The following TBC1D31 variants were observed in gnomAD, a reference collection of about 807,000 sequenced individuals.
TBC1D31 encodes the protein WD repeat domain 67.
In TBC1D31, 99 loss-of-function variants were observed where a neutral mutation model predicts 132.9. The observed-to-expected ratio is 0.74, with a 90% CI of 0.63 to 0.88. The LOEUF (loss-of-function observed/expected upper bound fraction) is 0.88. TBC1D31 is among the 40% of genes least tolerant of loss of function. The pLI is 0.00. For synonymous variants in TBC1D31, 385 were observed against 419.4 expected (o/e 0.92, Z 1.00); for missense variants, 1,134 against 1,256.6 (o/e 0.90, Z 1.48).
At chr8:123,132,403 CTT>C (rs34901750) in intron 16 of TBC1D31, among the ~76,000 whole-genome samples, 10 of 55,440 alleles carry the variant, frequency 1.8e-4, no homozygotes, top group African/African-American at 5.0e-4. Flanking sequence ...TTTTTTAAGT[CTT>C]TTTTTTTTTT....
In TBC1D31 at chr8:123,099,764, A is replaced by T. The variant is rs116733688; in HGVS notation, c.832-1043A>T. The stretch of plus-strand genomic sequence containing the variant: ...TTTTGTGCTGCTGTATTGGAATACC[A>T]CAGACTGGGTAATTTATAAACAATG... On this transcript the variant is annotated intron_variant, in intron 6 of 21. Transcript: ENST00000287380. 7.3e-3 allele frequency among the ~76,000 whole-genome samples: 1,107 copies of T among 152,248 alleles called. 14 individuals carry two copies. Among genetic ancestry groups the T allele is most frequent in the African/African-American group, 0.025 (1,038 of 41,550 alleles).
At chr8:123,089,537 C>CCCA (rs1406816737) in intron 4 of TBC1D31, among the ~76,000 whole-genome samples, 1 of 152,110 alleles carries the variant, frequency 6.6e-6, no homozygotes, top group Non-Finnish European at 1.5e-5. Flanking sequence ...GGCAACATGG[C>CCCA]TAAACCTTGT....
chr8:123,114,023 T>G (rs1057164933), intron 10 of TBC1D31, among the ~76,000 whole-genome samples: 1 of 152,166 alleles, frequency 6.6e-6, no homozygotes, highest in African/African-American at 2.4e-5. Flanking sequence ...TTAATTTTAT[T>G]TACGTTACAG....
rs34901750 is a variant in TBC1D31, at chr8:123,132,403, C to CTTTT, written c.2407-1686_2407-1683dup. ...ATAAAATACTAAGTATTTTTTAAGTCTTTTTTTTTTTTTTTTTTTTTTTTT... is the reference window on the plus strand; with the variant it reads ...ATAAAATACTAAGTATTTTTTAAGTCTTTTTTTTTTTTTTTTTTTTTTTTTTTTT... On this transcript the variant is annotated intron_variant, in intron 16 of 21. Coordinates refer to ENST00000287380, the MANE Select transcript of TBC1D31 (RefSeq NM_145647.4). Among the ~76,000 whole-genome samples the CTTTT allele has an allele frequency of 6.5e-4, 36 of 55,446 alleles. 2 individuals are homozygous for CTTTT. Among genetic ancestry groups the CTTTT allele is most frequent in the African/African-American group, 1.4e-3 (19 of 13,916 alleles). The allele number at this position is 55,446 out of a possible 152,430, so 36.4% of individuals were successfully genotyped here.
At chr8:123,080,384 G>T (rs547591372) in intron 2 of TBC1D31, among the ~76,000 whole-genome samples, 2 of 152,180 alleles carry the variant, frequency 1.3e-5, no homozygotes, top group African/African-American at 2.4e-5. Context: ...CTATTTTCAG[G>T]GTGATAAAGA....
At chr8:123,129,329 C>A in intron 15 of TBC1D31, 111 bp downstream of exon 15, 2 of 671,826 alleles carry the variant, frequency 3.0e-6, no homozygotes, top group Non-Finnish European at 4.5e-6. Flanking sequence ...GATTACCCAG[C>A]TGTAGCATTT....
intron 6 of TBC1D31, among the ~76,000 whole-genome samples, chr8:123,098,063 T>C (rs1367001406): frequency 6.6e-6 from 1 of 152,194 alleles, no homozygotes; most frequent in Non-Finnish European, 1.5e-5. Flanking sequence ...ATTAGATATA[T>C]GTTTTACATA....
At chr8:123,124,658 C>T (rs908743046) in intron 11 of TBC1D31, among the ~76,000 whole-genome samples, 5 of 151,716 alleles carry the variant, frequency 3.3e-5, no homozygotes, top group Admixed American at 6.6e-5. Context: ...CTGGGCGCAG[C>T]GGCTCACACC....
chr8:123,101,892 A>G (rs189263916), intron 7 of TBC1D31, among the ~76,000 whole-genome samples: 15 of 152,124 alleles, frequency 9.9e-5, no homozygotes, highest in African/African-American at 3.6e-4. Context: ...ATAATTCATC[A>G]TCATTTCTTA....
chr8:123,101,153 G>A (rs576540043), intron 7 of TBC1D31, 146 bp downstream of exon 7: 6 of 610,710 alleles, frequency 9.8e-6, no homozygotes, highest in Middle Eastern at 4.6e-4. Flanking sequence ...TACTCCCAAA[G>A]CCACATCTCT....
intron 19 of TBC1D31, among the ~76,000 whole-genome samples, chr8:123,142,712 T>C (rs1821827212): frequency 6.6e-6 from 1 of 152,008 alleles, no homozygotes; most frequent in Non-Finnish European, 1.5e-5. Flanking sequence ...GAAAAGATAA[T>C]CTGATTTTAA....
intron 8 of TBC1D31, among the ~76,000 whole-genome samples, chr8:123,106,358 A>G (rs532073116): frequency 1.3e-5 from 2 of 152,344 alleles, no homozygotes; most frequent in African/African-American, 4.8e-5. Flanking sequence ...CTACTGTCAC[A>G]GTATCACAGT....
At chr8:123,078,254 A>G (rs1378325357) in intron 2 of TBC1D31, among the ~76,000 whole-genome samples, 1 of 152,136 alleles carries the variant, frequency 6.6e-6, no homozygotes, top group Admixed American at 6.5e-5. Context: ...CTAGTTTAAT[A>G]CAGGGGGCTT....
intron 13 of TBC1D31, 145 bp downstream of exon 13, chr8:123,126,832 C>T: frequency 3.1e-6 from 2 of 641,650 alleles, no homozygotes; most frequent in Non-Finnish European, 5.0e-6. Flanking sequence ...ACCTCCGCCT[C>T]CCAAGTTCAA....
chr8:123,163,643 G>A, the TBC1D31 span, among the ~76,000 whole-genome samples: 2 of 152,048 alleles, frequency 1.3e-5, no homozygotes, highest in African/African-American at 4.8e-5. Context: ...TGGGATTACA[G>A]GTGTGAGCTA....
At chr8:123,089,867 T>C (rs1360909348) in intron 4 of TBC1D31, among the ~76,000 whole-genome samples, 1 of 152,258 alleles carries the variant, frequency 6.6e-6, no homozygotes, top group East Asian at 1.9e-4. Flanking sequence ...GAGGCTGAAA[T>C]ATTAATATAT....
chr8:123,077,065 G>C, intron 1 of TBC1D31, 46 bp from the exon 2 acceptor site: 1 of 1,520,744 alleles, frequency 6.6e-7, no homozygotes, highest in Non-Finnish European at 8.9e-7. Flanking sequence ...ATAATATCAA[G>C]TAATACGTGA....
In TBC1D31 at chr8:123,120,123, T is replaced by C; in HGVS notation, c.1505T>C (p.Phe502Ser). The C allele has an allele frequency of 6.2e-7, 1 of 1,611,270 alleles. No homozygotes were observed. Among genetic ancestry groups the C allele is most frequent in the Non-Finnish European group, 8.5e-7 (1 of 1,178,486 alleles). Reference sequence around the variant, plus strand: ...ACACCATATCTTCCACTCTTGGCATTTCCATTTGTAAAATTATTCCAGAAC... The same window carrying C: ...ACACCATATCTTCCACTCTTGGCATCTCCATTTGTAAAATTATTCCAGAAC... ...SDTPYLPLLA[F>S]PFVKLFQNNQ... Residue 502 changes from phenylalanine (F) to serine (S), a missense_variant, in exon 11 of 22, where the codon TTT becomes TCT. Physicochemically the swap from Phe to Ser is radical, Grantham distance 155. Coordinates refer to ENST00000287380, the MANE Select transcript of TBC1D31 (RefSeq NM_145647.4).
At chr8:123,075,553 A>T (rs1388684596) in intron 1 of TBC1D31, among the ~76,000 whole-genome samples, 1 of 152,162 alleles carries the variant, frequency 6.6e-6, no homozygotes, top group Non-Finnish European at 1.5e-5. Flanking sequence ...AATACAAAAA[A>T]TTAGCTGGGC....
Sources: allele counts gnomAD v4.1 joint callset (sites outside exome capture counted in the v4.1 genomes callset), GRCh38; gene constraint gnomAD v4.1.1; transcripts MANE v1.5; gene names NCBI Gene and HGNC (gene_info 2026-07-23, HGNC 2026-07-21).